The following PAIP2B variants were observed in gnomAD, a reference collection of about 807,000 sequenced individuals.
The protein encoded by PAIP2B is polyadenylate-binding protein-interacting protein 2B.
PAIP2B carries 13 observed loss-of-function variants against 17.0 expected under a neutral mutation model. The ratio of observed to expected loss-of-function variants is 0.76; its 90% CI spans 0.50 to 1.22. The LOEUF (loss-of-function observed/expected upper bound fraction) is 1.22, where lower values mean the gene tolerates loss of function less well. Among genes scored for constraint, PAIP2B ranks in the 50% most tolerant of loss-of-function variants. The pLI, the probability that PAIP2B is intolerant of heterozygous loss-of-function variation, is 0.00. For synonymous variants in PAIP2B, 43 were observed against 48.7 expected, an observed-to-expected ratio of 0.88 and a Z score of 0.48; for missense variants, 117 against 144.5, an observed-to-expected ratio of 0.81 and a Z score of 0.98.
At chr2:71,203,548 C>A (rs918825066) in intron 1 of PAIP2B, among the ~76,000 whole-genome samples, 1 of 151,928 alleles carries the variant, frequency 6.6e-6, no homozygotes, top group Admixed American at 6.6e-5. Context: ...ATAAAACTTG[C>A]ATTTTTTTAC....
chr2:71,221,354 C>T (rs572840683), intron 1 of PAIP2B, among the ~76,000 whole-genome samples: 9 of 152,324 alleles, frequency 5.9e-5, no homozygotes, highest in African/African-American at 2.2e-4. Context: ...AGGTTTTATT[C>T]ACCTGGAAAG....
chr2:71,191,472 G>A (rs888367160), intron 2 of PAIP2B, among the ~76,000 whole-genome samples: 7 of 152,328 alleles, frequency 4.6e-5, no homozygotes, highest in Admixed American at 6.5e-5. Context: ...GCACAGAGGT[G>A]TAACAGAAAC....
intron 2 of PAIP2B, among the ~76,000 whole-genome samples, chr2:71,193,391 T>C (rs1210226112): frequency 1.3e-5 from 2 of 152,246 alleles, no homozygotes; most frequent in African/African-American, 4.8e-5. Context: ...AGGTTGTCTG[T>C]TTACTCTGTT....
chr2:71,215,851 G>A (rs1675418598), intron 1 of PAIP2B, among the ~76,000 whole-genome samples: 2 of 152,128 alleles, frequency 1.3e-5, no homozygotes, highest in African/African-American at 4.8e-5. Context: ...ATATATCTGT[G>A]TATCTATGTG....
chr2:71,188,374 C>G lies in PAIP2B; in HGVS notation c.*105G>C. On this transcript the variant is annotated 3_prime_UTR_variant, in exon 4 of 4. Coordinates refer to ENST00000244221, the MANE Select transcript of PAIP2B (RefSeq NM_020459.1). ...TGTGAGACCACCACTCCCCTTCCCG[C>G]TGTGCACCCCTCGCCCGCCCCATCC... The G allele has an allele frequency of 4.6e-6, 4 of 874,634 alleles. No homozygotes were observed. Among genetic ancestry groups the G allele is most frequent in the Non-Finnish European group, 7.4e-6 (4 of 543,472 alleles). 54.2% of individuals were successfully genotyped at this position (874,634 alleles called of 1,614,324 possible).
At chr2:71,216,103 A>G (rs1181671902) in intron 1 of PAIP2B, among the ~76,000 whole-genome samples, 2 of 152,100 alleles carry the variant, frequency 1.3e-5, no homozygotes, top group African/African-American at 4.8e-5. Context: ...TCTTTTTTGG[A>G]AAAAGTTTCT....
At chr2:71,211,602 G>GAA (rs11376681) in intron 1 of PAIP2B, among the ~76,000 whole-genome samples, 376 of 133,566 alleles carry the variant, frequency 2.8e-3, no homozygotes, top group African/African-American at 5.4e-3. Flanking sequence ...AATGCTCTTT[G>GAA]AAAAAAAAAA....
intron 1 of PAIP2B, among the ~76,000 whole-genome samples, chr2:71,226,208 C>T (rs1004803750): frequency 2.6e-5 from 4 of 152,198 alleles, no homozygotes; most frequent in African/African-American, 9.7e-5. Context: ...AAGTTCCCAA[C>T]CTTGCCAAAC....
At position 71,185,789 on chromosome 2, in the gene PAIP2B, G is replaced by A. The variant is rs1326915343; in HGVS notation, c.*2690C>T. ...CTTGAATTTTCTGCTGCAGTTCAAAGGCCTGGAGAAACTGAAAATGCATTC... is the reference window on the plus strand; with the variant it reads ...CTTGAATTTTCTGCTGCAGTTCAAAAGCCTGGAGAAACTGAAAATGCATTC... On this transcript the variant is annotated 3_prime_UTR_variant, in exon 4 of 4. Coordinates refer to ENST00000244221, the MANE Select transcript of PAIP2B (RefSeq NM_020459.1). The A allele has an allele frequency of 6.6e-6, 1 of 151,516 alleles. No individual in the cohort carries two copies. The highest frequency in any genetic ancestry group is 1.5e-5 in the Non-Finnish European group (1 of 67,964). 9.4% of individuals were successfully genotyped at this position (151,516 alleles called of 1,614,324 possible).
At chr2:71,210,407 A>G (rs1255938414) in intron 1 of PAIP2B, among the ~76,000 whole-genome samples, 3 of 152,226 alleles carry the variant, frequency 2.0e-5, no homozygotes, top group Non-Finnish European at 4.4e-5. Context: ...GAGCAGCTGC[A>G]TGGACATTAA....
intron 3 of PAIP2B, 126 bp from the exon 4 acceptor site, chr2:71,188,661 C>A: frequency 1.3e-6 from 1 of 777,648 alleles, no homozygotes; most frequent in Non-Finnish European, 2.1e-6. Context: ...GTAACTCAGG[C>A]TGTTATTGCT....
chr2:71,190,211 G>A (rs1299763181), intron 2 of PAIP2B, among the ~76,000 whole-genome samples, 190 bp from the exon 3 acceptor site: 1 of 152,130 alleles, frequency 6.6e-6, no homozygotes, highest in African/African-American at 2.4e-5. Flanking sequence ...CTTGAGGCCA[G>A]GAGGTTTGAG....
chr2:71,198,689 G>A (rs2103774582), intron 2 of PAIP2B, among the ~76,000 whole-genome samples: 1 of 152,284 alleles, frequency 6.6e-6, no homozygotes, highest in South Asian at 2.1e-4. Flanking sequence ...CCAAAGTCCT[G>A]GGATTACAGG....
Position 71,189,876 on chromosome 2 carries a change from A to G in PAIP2B, c.284T>C (p.Val95Ala). Residue 95 changes from valine to alanine, a missense_variant, in exon 3 of 4, where the codon GTC becomes GCC. Coordinates refer to ENST00000244221, the MANE Select transcript of PAIP2B (RefSeq NM_020459.1). ...QLQQQLNGLS[V>A]SEGHDSEDIL... ...ATCTTCAGAATCATGACCTTCACTG[A>G]CTGACAGTCCATTTAACTGCTGTTG... 1 of 1,561,452 alleles carries G rather than the reference A, an allele frequency of 6.4e-7. No homozygotes were observed. Among genetic ancestry groups the G allele is most frequent in the Non-Finnish European group, 8.7e-7 (1 of 1,152,336 alleles).
intron 1 of PAIP2B, among the ~76,000 whole-genome samples, chr2:71,215,706 G>A (rs1191492529): frequency 6.6e-6 from 1 of 152,226 alleles, no homozygotes; most frequent in Non-Finnish European, 1.5e-5. Context: ...ATGAAAAGGT[G>A]TGGCTTCCAC....
In PAIP2B at chr2:71,226,363, A is replaced by C. The variant is rs1675725814; in HGVS notation, c.-12+565T>G. On this transcript the variant is annotated intron_variant, in intron 1 of 3. Transcript: ENST00000244221. ...TGGGCTCACTCACGGACCGCAAGGC[A>C]CAAGAGAAGTGGCGAACGTCTCCCA... 2.0e-5 allele frequency among the ~76,000 whole-genome samples: 3 copies of C among 152,188 alleles called. No individual in the cohort carries two copies. In the South Asian group the frequency reaches 6.2e-4, roughly 31 times the overall value.
intron 1 of PAIP2B, among the ~76,000 whole-genome samples, chr2:71,204,195 T>C (rs1473299553): frequency 6.6e-6 from 1 of 152,222 alleles, no homozygotes; most frequent in Non-Finnish European, 1.5e-5. Context: ...TGAGGCTTAA[T>C]TGTATTTAGG....
At chr2:71,190,054 T>G (rs957083094) in intron 2 of PAIP2B, 33 bp from the exon 3 acceptor site, 5 of 1,585,868 alleles carry the variant, frequency 3.2e-6, no homozygotes, top group Non-Finnish European at 4.3e-6. Context: ...TCAGACTTAC[T>G]GTCACAGCAA....
chr2:71,222,788 A>G (rs1675623423), intron 1 of PAIP2B, among the ~76,000 whole-genome samples: 1 of 152,376 alleles, frequency 6.6e-6, no homozygotes, highest in African/African-American at 2.4e-5. Flanking sequence ...TCAAAGACCC[A>G]GGTCAGCATG....
Sources: allele counts gnomAD v4.1 joint callset (sites outside exome capture counted in the v4.1 genomes callset), GRCh38; gene constraint gnomAD v4.1.1; transcripts MANE v1.5; gene names NCBI Gene and HGNC (gene_info 2026-07-23, HGNC 2026-07-21).